HELZ: variants seen among roughly 807,000 people sequenced by gnomAD.
HELZ encodes the protein helicase with zinc finger.
Under a neutral mutation model 218.2 loss-of-function variants are expected in HELZ, and 23 were observed. That is an observed-to-expected ratio of 0.11 (90% CI 0.08 to 0.15). The LOEUF (loss-of-function observed/expected upper bound fraction) is 0.15, where lower values mean the gene tolerates loss of function less well. Ranked by LOEUF, HELZ falls within the 10% of genes least tolerant of loss-of-function variation. HELZ has a pLI of 1.00. For missense variants in HELZ, 1,813 were observed against 2,353.7 expected (o/e 0.77, Z 4.75); for synonymous variants, 814 against 829.4 (o/e 0.98, Z 0.32).
chr17:67,129,190 T>C (rs1404743025), intron 23 of HELZ, among the ~76,000 whole-genome samples: 1 of 152,074 alleles, frequency 6.6e-6, no homozygotes, highest in Non-Finnish European at 1.5e-5. Context: ...TCAAAACTGA[T>C]GGCAACTCAT....
At chr17:67,197,502 A>G (rs1475495531) in intron 7 of HELZ, among the ~76,000 whole-genome samples, 1 of 152,156 alleles carries the variant, frequency 6.6e-6, no homozygotes, top group Non-Finnish European at 1.5e-5. Flanking sequence ...ATTTTGTGAT[A>G]GCACTTACTG....
Position 67,178,783 on chromosome 17 carries a change from G to C in HELZ, c.1306C>G (p.Leu436Val). The C allele has an allele frequency of 6.2e-7, 1 of 1,613,954 alleles. No homozygotes were observed. Among genetic ancestry groups the C allele is most frequent in the South Asian group, 1.1e-5 (1 of 91,080 alleles). Residue 436 changes from leucine to valine, a missense_variant, in exon 13 of 33, where the codon CTC (leucine) becomes GTC (valine). Leu to Val is a conservative substitution (Grantham distance 32). Around this residue, in one of 4 missense-constraint regions of HELZ, gnomAD observed 714 missense variants for 1,029.2 expected, o/e 0.69. Transcript: ENST00000358691. ...TGAGTAAATAGCTGGTCAGCAGAGA[G>C]GGGAATTTGGTATCTGATAAGAAGG... The part of the protein sequence containing the change: ...KSLLIRYQIP[L>V]SADQLFTQSV...
At chr17:67,201,804 C>T (rs1490425307) in intron 6 of HELZ, among the ~76,000 whole-genome samples, 2 of 151,996 alleles carry the variant, frequency 1.3e-5, no homozygotes, top group East Asian at 3.9e-4. Context: ...AGATATATTC[C>T]TTTATTATCT....
intron 31 of HELZ, among the ~76,000 whole-genome samples, chr17:67,100,533 G>A (rs2036892387): frequency 6.6e-6 from 1 of 152,012 alleles, no homozygotes; most frequent in African/African-American, 2.4e-5. Flanking sequence ...TATTCCTTAT[G>A]AGCACTTTTA....
chr17:67,078,162 C>A lies in HELZ; in HGVS notation c.*90G>T. 1 of 813,966 alleles carries A rather than the reference C, an allele frequency of 1.2e-6. No homozygotes were observed. The highest frequency in any genetic ancestry group is 2.0e-6 in the Non-Finnish European group (1 of 503,084). The allele number at this position is 813,966 out of a possible 1,614,324, so 50.4% of individuals were successfully genotyped here. A position where few individuals can be genotyped will look rare whatever the true frequency, so the allele number is the denominator to read the frequency against. Reference sequence around the variant, plus strand: ...ATATTTAATATTAAAACAAAGGGAACTGTGCATCTATAGATGAAGTCCAAC... The same window carrying A: ...ATATTTAATATTAAAACAAAGGGAAATGTGCATCTATAGATGAAGTCCAAC... On this transcript the variant is annotated 3_prime_UTR_variant, in exon 33 of 33. Transcript: ENST00000358691.
chr17:67,232,236 C>A (rs951886204), intron 3 of HELZ, among the ~76,000 whole-genome samples: 1 of 151,834 alleles, frequency 6.6e-6, no homozygotes, highest in Admixed American at 6.6e-5. Context: ...CTCCGCCTCC[C>A]AGGTTCAAGC....
rs60076524 is a variant in HELZ at position 67,206,598 on chromosome 17, CT to C, written c.248-3156del. 8.8e-3 allele frequency among the ~76,000 whole-genome samples: 1,212 copies of C among 137,712 alleles called. 7 individuals carry two copies. Among genetic ancestry groups the C allele is most frequent in the African/African-American group, 0.022 (839 of 37,644 alleles). The allele number at this position is 137,712 out of a possible 152,430, so 90.3% of individuals were successfully genotyped here. On this transcript the variant is annotated intron_variant, in intron 5 of 32. Transcript: ENST00000358691. The stretch of plus-strand genomic sequence containing the variant: ...TTTCAGTAATATGACCATATTAGGA[CT>C]TTTTTTTTTTTTTTTTAAGACGGAG...
intron 3 of HELZ, among the ~76,000 whole-genome samples, chr17:67,233,432 A>G (rs1256705629): frequency 2.0e-5 from 3 of 152,194 alleles, no homozygotes; most frequent in Non-Finnish European, 2.9e-5. Context: ...CCTACTCTCT[A>G]TTGAGCACTG....
intron 31 of HELZ, among the ~76,000 whole-genome samples, chr17:67,089,668 T>TATATATATATATATATAGAGAG (rs71293575): frequency 2.8e-5 from 2 of 70,644 alleles, no homozygotes; most frequent in African/African-American, 6.0e-5. Context: ...TATATATATA[T>TATATATATATATATATAGAGAG]AGAGAGAGAG....
intron 32 of HELZ, among the ~76,000 whole-genome samples, chr17:67,085,142 G>C (rs1044830641): frequency 1.1e-4 from 16 of 152,064 alleles, no homozygotes; most frequent in African/African-American, 3.9e-4. Flanking sequence ...AAAGCAGCCA[G>C]GCATGGTGGC....
At chr17:67,178,272 T>G (rs1209115194) in intron 13 of HELZ, among the ~76,000 whole-genome samples, 2 of 152,194 alleles carry the variant, frequency 1.3e-5, no homozygotes, top group South Asian at 4.1e-4. Flanking sequence ...AAAACAACTT[T>G]TCAAAATATG....
intron 31 of HELZ, among the ~76,000 whole-genome samples, 173 bp downstream of exon 31, chr17:67,106,996 T>C (rs902328229): frequency 6.6e-6 from 1 of 152,224 alleles, no homozygotes; most frequent in Non-Finnish European, 1.5e-5. Flanking sequence ...GTGTCCACTT[T>C]ACAAAACCTG....
rs1033917280 is a variant in HELZ, at chr17:67,074,378, C to G, written c.*3874G>C. The G allele has an allele frequency of 2.0e-5, 3 of 152,026 alleles. No homozygotes were observed. The highest frequency in any genetic ancestry group is 7.2e-5 in the African/African-American group (3 of 41,398). 9.4% of individuals were successfully genotyped at this position (152,026 alleles called of 1,614,324 possible). On this transcript the variant is annotated 3_prime_UTR_variant, in exon 33 of 33. Transcript: ENST00000358691. ...TCTGGGATTCCCTTTTTAAAAATAACTCCACTATAAAACAATGCTATAGAA... is the reference window on the plus strand; with the variant it reads ...TCTGGGATTCCCTTTTTAAAAATAAGTCCACTATAAAACAATGCTATAGAA...
At chr17:67,228,969 C>G (rs962384012) in intron 3 of HELZ, among the ~76,000 whole-genome samples, 2 of 152,068 alleles carry the variant, frequency 1.3e-5, no homozygotes, top group African/African-American at 4.8e-5. Flanking sequence ...CCGCCCGCCT[C>G]GGCCACCCAA....
intron 12 of HELZ, among the ~76,000 whole-genome samples, chr17:67,184,898 T>C (rs1490382559): frequency 2.0e-5 from 3 of 152,162 alleles, no homozygotes; most frequent in Non-Finnish European, 2.9e-5. Context: ...CTAAGTTTCC[T>C]TGTGTATGCA....
chr17:67,114,445 G>T (rs1407796663), intron 27 of HELZ, 42 bp from the exon 28 acceptor site: 3 of 1,134,094 alleles, frequency 2.6e-6, no homozygotes, highest in African/African-American at 1.5e-5. Flanking sequence ...TTCTCCAGTG[G>T]ATATGACACT....
intron 23 of HELZ, among the ~76,000 whole-genome samples, chr17:67,129,311 C>T (rs536086030): frequency 2.4e-4 from 36 of 151,734 alleles, no homozygotes; most frequent in Middle Eastern, 3.4e-3. Flanking sequence ...TATATACATA[C>T]GCATATATAC....
chr17:67,202,698 A>G (rs2040198976), intron 6 of HELZ, among the ~76,000 whole-genome samples: 1 of 152,214 alleles, frequency 6.6e-6, no homozygotes, highest in Admixed American at 6.5e-5. Context: ...ATATGTCCAC[A>G]TCAGCATTTT....
chr17:67,081,732 C>A (rs1348266299), intron 32 of HELZ, among the ~76,000 whole-genome samples: 1 of 152,112 alleles, frequency 6.6e-6, no homozygotes, highest in African/African-American at 2.4e-5. Context: ...AAGGAAGTGT[C>A]CCATTGGAAC....
Sources: allele counts gnomAD v4.1 joint callset (sites outside exome capture counted in the v4.1 genomes callset), GRCh38; gene constraint gnomAD v4.1.1; regional missense constraint gnomAD v4.1.1; transcripts MANE v1.5; gene names NCBI Gene and HGNC (gene_info 2026-07-23, HGNC 2026-07-21).